The following ORC5 variants were observed in gnomAD, a reference collection of about 807,000 sequenced individuals.
ORC5 encodes the protein protein phosphatase 1, regulatory subunit 117.
Under a neutral mutation model 58.8 loss-of-function variants are expected in ORC5, and 39 were observed. That is an observed-to-expected ratio of 0.66 (90% confidence interval 0.51 to 0.87). The LOEUF (loss-of-function observed/expected upper bound fraction) is 0.87. Ranked by LOEUF, ORC5 falls within the 40% of genes least tolerant of loss-of-function variation. ORC5 has a pLI of 0.00. For missense variants in ORC5, 493 were observed against 506.3 expected (o/e 0.97, Z 0.25); for synonymous variants, 218 against 177.6 (o/e 1.23, Z -1.81).
chr7:104,166,674 T>C, intron 10 of ORC5, 98 bp downstream of exon 10: 2 of 679,808 alleles, frequency 2.9e-6, no homozygotes, highest in Non-Finnish European at 5.1e-6. Context: ...GCAATCTTAT[T>C]CTAATCTCTT....
chr7:104,184,867 T>C (rs1013193215), intron 6 of ORC5, among the ~76,000 whole-genome samples: 3 of 152,204 alleles, frequency 2.0e-5, no homozygotes, highest in Non-Finnish European at 4.4e-5. Flanking sequence ...GGCTACCATC[T>C]ATTCTTTCTG....
intron 8 of ORC5, among the ~76,000 whole-genome samples, chr7:104,170,239 C>T (rs1364640082): frequency 6.6e-6 from 1 of 152,126 alleles, no homozygotes; most frequent in Admixed American, 6.5e-5. Flanking sequence ...AGTCTAAATG[C>T]TTTCCAAGAA....
At chr7:104,186,735 A>G (rs750470807) in intron 6 of ORC5, among the ~76,000 whole-genome samples, 14 of 152,176 alleles carry the variant, frequency 9.2e-5, no homozygotes, top group Non-Finnish European at 1.3e-4. Context: ...AAGAAAATGA[A>G]TATCTTTATT....
chr7:104,139,173 A>C (rs1798634892), intron 12 of ORC5, among the ~76,000 whole-genome samples: 1 of 152,240 alleles, frequency 6.6e-6, no homozygotes, highest in African/African-American at 2.4e-5. Context: ...CATGTGTCTT[A>C]GGAATTAAAA....
chr7:104,146,127 T>C (rs760887516), intron 12 of ORC5, among the ~76,000 whole-genome samples: 2 of 152,216 alleles, frequency 1.3e-5, no homozygotes, highest in African/African-American at 4.8e-5. Flanking sequence ...TATATCCTCA[T>C]GAGTTTTCTA....
intron 11 of ORC5, 77 bp from the exon 12 acceptor site, chr7:104,161,259 T>C (rs1799017498): frequency 1.3e-6 from 1 of 763,810 alleles, no homozygotes; most frequent in Non-Finnish European, 2.3e-6. Context: ...AAACTGCCAG[T>C]AACAATGTAT....
chr7:104,153,611 C>T (rs934853926), intron 12 of ORC5, among the ~76,000 whole-genome samples: 2 of 152,106 alleles, frequency 1.3e-5, no homozygotes, highest in African/African-American at 4.8e-5. Context: ...ATTACAGAAA[C>T]ACTGGAATGC....
chr7:104,166,122 A>G (rs891963442), intron 10 of ORC5, among the ~76,000 whole-genome samples: 3 of 152,192 alleles, frequency 2.0e-5, no homozygotes, highest in Non-Finnish European at 4.4e-5. Flanking sequence ...CCAAAGAAGA[A>G]AGCAAACATC....
chr7:104,190,610 A>G (rs930994840), intron 5 of ORC5, among the ~76,000 whole-genome samples: 8 of 152,218 alleles, frequency 5.3e-5, no homozygotes, highest in Middle Eastern at 3.4e-3. Context: ...ATATTATTCA[A>G]AATTTCCCAG....
At chr7:104,194,923 AAC>A (rs1799763161) in intron 5 of ORC5, among the ~76,000 whole-genome samples, 1 of 152,204 alleles carries the variant, frequency 6.6e-6, no homozygotes, top group South Asian at 2.1e-4. Flanking sequence ...AGCAAACCTT[AAC>A]AGTTTAATAC....
In ORC5 at chr7:104,126,910, A is replaced by T. The variant is rs752138068; in HGVS notation, c.1263-17T>A. 1 of 1,569,982 alleles carries T rather than the reference A, an allele frequency of 6.4e-7. No homozygotes were observed. On this transcript the variant is annotated splice_polypyrimidine_tract_variant and intron_variant, in intron 13 of 13. Coordinates refer to ENST00000297431, the MANE Select transcript of ORC5 (RefSeq NM_002553.4). ...TTCACCGTCCTAAAAACAAAAACAG[A>T]TAATATGTTAGCATTCTCACCCCTA...
At chr7:104,150,223 C>T (rs923193153) in intron 12 of ORC5, among the ~76,000 whole-genome samples, 2 of 152,124 alleles carry the variant, frequency 1.3e-5, no homozygotes, top group Admixed American at 1.3e-4. Flanking sequence ...TATTTTTATA[C>T]GTTCATAGGT....
intron 12 of ORC5, among the ~76,000 whole-genome samples, chr7:104,147,826 G>A (rs1348847010): frequency 1.3e-5 from 2 of 152,196 alleles, no homozygotes; most frequent in African/African-American, 2.4e-5. Context: ...GGGTGTTGAT[G>A]ATTAGAAAAT....
intron 13 of ORC5, among the ~76,000 whole-genome samples, chr7:104,135,974 TATG>T (rs1424989965): frequency 2.0e-5 from 3 of 152,202 alleles, no homozygotes; most frequent in Non-Finnish European, 4.4e-5. Flanking sequence ...GCTGCAACCG[TATG>T]ATGAAGTCAC....
intron 4 of ORC5, among the ~76,000 whole-genome samples, chr7:104,195,690 C>A (rs749208294): frequency 2.6e-5 from 4 of 152,166 alleles, no homozygotes; most frequent in Non-Finnish European, 4.4e-5. Flanking sequence ...CATATTGGAT[C>A]TGATTTTTTA....
chr7:104,169,137 C>T (rs1236506993), intron 8 of ORC5, among the ~76,000 whole-genome samples: 2 of 152,080 alleles, frequency 1.3e-5, no homozygotes, highest in Non-Finnish European at 2.9e-5. Flanking sequence ...CTCGGTAAAA[C>T]TCCCAATGTT....
In ORC5 at chr7:104,154,480, C is replaced by T. The variant is rs538403585; in HGVS notation, c.1149+6592G>A. Among the ~76,000 whole-genome samples, 3 of 152,044 alleles carry T rather than the reference C, an allele frequency of 2.0e-5. No homozygotes were observed. In the South Asian group the frequency reaches 6.2e-4, roughly 32 times the overall value. On this transcript the variant is annotated intron_variant, in intron 12 of 13. Transcript: ENST00000297431. ...AGTTCCTTCAGCACATATATGTCTT[C>T]ACAGTAAATACATATATACACCATT...
intron 12 of ORC5, among the ~76,000 whole-genome samples, chr7:104,144,317 T>C (rs1192665122): frequency 1.3e-5 from 2 of 152,194 alleles, no homozygotes; most frequent in Non-Finnish European, 2.9e-5. Context: ...GAAAAATACA[T>C]ATAAAACTTT....
rs1800135474 is a variant in ORC5, at chr7:104,207,898, G to A, written c.7C>T (p.His3Tyr). ...CGACAAAGCACCACGTTTTCCAAGT[G>A]GGGCATTCTGGCAGGCACCACCGCA... MPHLENVVLCRES... is the reference protein window; with the variant it reads MPYLENVVLCRES... Residue 3 changes from histidine (H) to tyrosine (Y), a missense_variant, in exon 1 of 14, where the codon CAC becomes TAC. Around this residue, in one of 3 missense-constraint regions of ORC5, gnomAD observed 412 missense variants for 403.7 expected, o/e 1.02. Coordinates refer to ENST00000297431, the MANE Select transcript of ORC5 (RefSeq NM_002553.4). The A allele has an allele frequency of 3.1e-6, 5 of 1,613,990 alleles. No individual in the cohort carries two copies. In the South Asian group the frequency reaches 5.5e-5, roughly 18 times the overall value.
Sources: allele counts gnomAD v4.1 joint callset (sites outside exome capture counted in the v4.1 genomes callset), GRCh38; gene constraint gnomAD v4.1.1; regional missense constraint gnomAD v4.1.1; transcripts MANE v1.5; gene names NCBI Gene and HGNC (gene_info 2026-07-23, HGNC 2026-07-21).